RLN2: variants seen among roughly 807,000 people sequenced by gnomAD.
RLN2 encodes the protein prorelaxin H2.
RLN2 carries 10 observed loss-of-function variants against 7.3 expected under a neutral mutation model. The observed-to-expected ratio is 1.36, with a 90% CI of 0.84 to 2.31. RLN2 has a LOEUF of 2.31. Among genes scored for constraint, RLN2 ranks in the 30% most tolerant of loss-of-function variants. The pLI is 0.00. For synonymous variants in RLN2, 103 were observed against 82.3 expected, an observed-to-expected ratio of 1.25 and a Z score of -1.36; for missense variants, 298 against 217.6, an observed-to-expected ratio of 1.37 and a Z score of -2.32.
the RLN2 span, among the ~76,000 whole-genome samples, chr9:5,330,781 A>C: frequency 6.6e-6 from 1 of 151,470 alleles, no homozygotes; most frequent in Non-Finnish European, 1.5e-5. Context: ...AAAAAAAAAA[A>C]ACCTTCAAAA....
chr9:5,300,355 T>A lies in RLN2; in HGVS notation c.301A>T (p.Thr101Ser). Residue 101 changes from threonine (T) to serine (S), a missense_variant, in exon 2 of 2, where the codon ACC (threonine) becomes TCC (serine). By Grantham distance (58) the Thr-to-Ser change is moderately conservative (BLOSUM62 1). Coordinates refer to ENST00000381627, the MANE Select transcript of RLN2 (RefSeq NM_134441.3). ...AATGCTGGCTGCATCTCAGACAGGG[T>A]TAACTTCAGCTCCTGTGGCAAATTA... ...VANLPQELKL[T>S]LSEMQPALPQ... 6.2e-7 allele frequency: 1 copy of A among 1,613,942 alleles called. No individual in the cohort carries two copies. Among genetic ancestry groups the A allele is most frequent in the Non-Finnish European group, 8.5e-7 (1 of 1,179,892 alleles).
upstream of RLN2, among the ~76,000 whole-genome samples, chr9:5,305,402 C>CAGAGAGAG (rs3834385): frequency 8.9e-6 from 1 of 112,204 alleles, no homozygotes; most frequent in Non-Finnish European, 1.8e-5. Context: ...CACACACACA[C>CAGAGAGAG]AGAGAGAGAG....
the RLN2 span, among the ~76,000 whole-genome samples, chr9:5,312,318 C>G: frequency 6.6e-6 from 1 of 152,008 alleles, no homozygotes; most frequent in South Asian, 2.1e-4. Flanking sequence ...GACCTGACCC[C>G]CAATCATTGG....
chr9:5,311,269 G>A, the RLN2 span, among the ~76,000 whole-genome samples: 1 of 151,928 alleles, frequency 6.6e-6, no homozygotes, highest in East Asian at 1.9e-4. Flanking sequence ...GATGAGAGTG[G>A]GGGGCGGGGT....
the RLN2 span, among the ~76,000 whole-genome samples, chr9:5,330,376 C>T: frequency 5.3e-4 from 80 of 151,920 alleles, no homozygotes; most frequent in Middle Eastern, 6.8e-3. Context: ...TGGTGGCTCA[C>T]GCCTGTCATC....
At chr9:5,317,873 T>G in the RLN2 span, among the ~76,000 whole-genome samples, 62 of 151,978 alleles carry the variant, frequency 4.1e-4, 1 homozygote, top group African/African-American at 1.4e-3. Context: ...TAGCAAAAAT[T>G]TTCAACTTAA....
At chr9:5,318,012 G>GTGTGTGTGTGTT in the RLN2 span, among the ~76,000 whole-genome samples, 5 of 151,500 alleles carry the variant, frequency 3.3e-5, no homozygotes, top group Non-Finnish European at 7.4e-5. Context: ...GTGTGCGTGT[G>GTGTGTGTGTGTT]TGTGTGTGTG....
the RLN2 span, among the ~76,000 whole-genome samples, chr9:5,321,202 AAGG>A: frequency 6.6e-6 from 1 of 152,116 alleles, no homozygotes; most frequent in Non-Finnish European, 1.5e-5. Flanking sequence ...TATGAATGTG[AAGG>A]CCACAAAACA....
intron 1 of RLN2, among the ~76,000 whole-genome samples, chr9:5,302,971 A>T (rs1323367037): frequency 7.7e-6 from 1 of 130,544 alleles, no homozygotes; most frequent in East Asian, 2.2e-4. Flanking sequence ...AATATCTACG[A>T]GTGCTTCTCA....
chr9:5,318,785 C>G, the RLN2 span, among the ~76,000 whole-genome samples: 1 of 151,872 alleles, frequency 6.6e-6, no homozygotes, highest in Non-Finnish European at 1.5e-5. Flanking sequence ...TCAGCTAACT[C>G]AAGGAATTAA....
chr9:5,328,977 C>T, the RLN2 span, among the ~76,000 whole-genome samples: 13 of 152,148 alleles, frequency 8.5e-5, 1 homozygote, highest in Admixed American at 6.5e-4. Flanking sequence ...ACTGCAAAAA[C>T]GTGCCAAATG....
the RLN2 span, among the ~76,000 whole-genome samples, chr9:5,316,480 C>A: frequency 6.6e-6 from 1 of 152,010 alleles, no homozygotes; most frequent in Admixed American, 6.5e-5. Context: ...TGTGATGTTC[C>A]CCTCCTTGTG....
At chr9:5,305,384 CACACACACACACACACACAG>C (rs1215841717), upstream of RLN2, among the ~76,000 whole-genome samples, 1,536 of 144,518 alleles carry the variant, frequency 0.011, 33 homozygotes, top group African/African-American at 0.039. Flanking sequence ...CACACACACA[CACACACACACACACACACAG>C]AGAGAGAGAG....
the RLN2 span, among the ~76,000 whole-genome samples, chr9:5,328,230 G>A: frequency 2.6e-5 from 4 of 152,016 alleles, no homozygotes; most frequent in African/African-American, 9.7e-5. Flanking sequence ...ACCTGATGGA[G>A]CTGAAAACCA....
the RLN2 span, among the ~76,000 whole-genome samples, chr9:5,337,289 C>T: frequency 7.9e-5 from 12 of 151,998 alleles, no homozygotes; most frequent in African/African-American, 2.9e-4. Context: ...TCAGCCAAAA[C>T]AGTTATAGAT....
At chr9:5,328,421 C>G in the RLN2 span, among the ~76,000 whole-genome samples, 2 of 151,918 alleles carry the variant, frequency 1.3e-5, no homozygotes, top group Non-Finnish European at 2.9e-5. Context: ...GTGAAAAGAA[C>G]AAATATACGT....
In RLN2 at chr9:5,302,604, A is replaced by C. The variant is rs542858550; in HGVS notation, c.211+1766T>G. Among the ~76,000 whole-genome samples the C allele has an allele frequency of 2.0e-5, 3 of 152,330 alleles. No homozygotes were observed. In the East Asian group the frequency reaches 5.8e-4, roughly 29 times the overall value. On this transcript the variant is annotated intron_variant, in intron 1 of 1. Coordinates refer to ENST00000381627, the MANE Select transcript of RLN2 (RefSeq NM_134441.3). ...AATTATACTGCACATCAATAAAGAA[A>C]ATTCTTTAAAAATACTTTGTAATCT...
upstream of RLN2, among the ~76,000 whole-genome samples, chr9:5,305,732 G>A (rs1260926596): frequency 1.3e-5 from 2 of 152,024 alleles, no homozygotes; most frequent in Admixed American, 6.6e-5. Context: ...CTGGAGACAT[G>A]CAGGACATTA....
chr9:5,335,635 T>C, the RLN2 span: 2 of 1,372,740 alleles, frequency 1.5e-6, no homozygotes, highest in Non-Finnish European at 2.0e-6. Context: ...TGAAGGCGTA[T>C]TCACGTCAAA....
Sources: allele counts gnomAD v4.1 joint callset (sites outside exome capture counted in the v4.1 genomes callset), GRCh38; gene constraint gnomAD v4.1.1; transcripts MANE v1.5; gene names NCBI Gene and HGNC (gene_info 2026-07-23, HGNC 2026-07-21).